SETBP1: variants seen among roughly 807,000 people sequenced by gnomAD.
SETBP1 encodes the protein SET-binding protein.
Under a neutral mutation model 101.0 loss-of-function variants are expected in SETBP1, and 9 were observed. The ratio of observed to expected loss-of-function variants is 0.09; its 90% CI spans 0.05 to 0.16. SETBP1 has a LOEUF of 0.16. SETBP1 is among the 10% of genes least tolerant of loss of function. The pLI is 1.00. For synonymous variants in SETBP1, 818 were observed against 788.5 expected, an observed-to-expected ratio of 1.04 and a Z score of -0.63; for missense variants, 1,858 against 2,033.8, an observed-to-expected ratio of 0.91 and a Z score of 1.66.
chr18:45,033,097 C>T (rs994915795), intron 4 of SETBP1, among the ~76,000 whole-genome samples: 1 of 152,090 alleles, frequency 6.6e-6, no homozygotes, highest in African/African-American at 2.4e-5. Flanking sequence ...CCCTTATTGC[C>T]ATGAATGAAG....
rs144042587 is a variant in SETBP1, at chr18:44,742,267, C to T, written c.486+40435C>T. Among the ~76,000 whole-genome samples, 35 of 152,272 alleles carry T rather than the reference C, an allele frequency of 2.3e-4. No homozygotes were observed. The East Asian group carries it at 3.9e-3, about 17-fold the overall frequency. On this transcript the variant is annotated intron_variant, in intron 2 of 5. Coordinates refer to ENST00000649279, the MANE Select transcript of SETBP1 (RefSeq NM_015559.3). Reference sequence around the variant, plus strand: ...CAGCAAAAGTGGGTGATCTCAGCCCCGCACCCCGGTCTCCTGACTTTCACA... The same window carrying T: ...CAGCAAAAGTGGGTGATCTCAGCCCTGCACCCCGGTCTCCTGACTTTCACA...
At chr18:44,992,786 T>C (rs1436441460) in intron 4 of SETBP1, among the ~76,000 whole-genome samples, 3 of 152,018 alleles carry the variant, frequency 2.0e-5, no homozygotes, top group African/African-American at 7.2e-5. Flanking sequence ...TTACACAAAC[T>C]TGCTTAGATT....
At chr18:44,741,350 G>GTGGGGA (rs1669978325) in intron 2 of SETBP1, among the ~76,000 whole-genome samples, 1 of 152,178 alleles carries the variant, frequency 6.6e-6, no homozygotes, top group African/African-American at 2.4e-5. Flanking sequence ...TTGCCTGGGG[G>GTGGGGA]TGGGGATGGG....
At chr18:44,711,442 TCCTTCCTTTCTTCCTCTCCTTCCTTC>T (rs1291649832) in intron 2 of SETBP1, among the ~76,000 whole-genome samples, 22 of 138,412 alleles carry the variant, frequency 1.6e-4, no homozygotes, top group African/African-American at 6.0e-4. Context: ...CTTCCTCCCT[TCCTTCCTTTCTTCCTCTCCTTCCTTC>T]CTTCCTTTCT....
chr18:45,047,957 G>A (rs186245098), intron 5 of SETBP1, among the ~76,000 whole-genome samples: 147 of 152,272 alleles, frequency 9.7e-4, no homozygotes, highest in African/African-American at 3.4e-3. Context: ...TCCTCCTGCT[G>A]CTTCAATTGG....
chr18:44,739,694 A>G (rs758669693), intron 2 of SETBP1, among the ~76,000 whole-genome samples: 6 of 152,248 alleles, frequency 3.9e-5, no homozygotes, highest in Non-Finnish European at 7.3e-5. Flanking sequence ...AACTTGTATC[A>G]AATGAATGAC....
chr18:44,731,980 A>C (rs780711595), intron 2 of SETBP1, among the ~76,000 whole-genome samples: 5 of 152,076 alleles, frequency 3.3e-5, no homozygotes, highest in Non-Finnish European at 7.4e-5. Context: ...TCTCTTCCTA[A>C]TGCCTTGTTT....
intron 2 of SETBP1, among the ~76,000 whole-genome samples, chr18:44,839,919 T>G (rs1447473474): frequency 6.6e-6 from 1 of 152,192 alleles, no homozygotes; most frequent in Non-Finnish European, 1.5e-5. Context: ...AACAATCATA[T>G]TGATATGTAA....
At chr18:44,969,274 G>A (rs1241542318) in intron 4 of SETBP1, among the ~76,000 whole-genome samples, 2 of 152,162 alleles carry the variant, frequency 1.3e-5, no homozygotes, top group Non-Finnish European at 2.9e-5. Flanking sequence ...ACTCTTGAAT[G>A]GGGAAAATGA....
chr18:44,958,430 T>G (rs917739911), intron 4 of SETBP1, among the ~76,000 whole-genome samples: 2 of 152,104 alleles, frequency 1.3e-5, no homozygotes, highest in Admixed American at 6.5e-5. Context: ...GAGACACAAA[T>G]AGGTTAGAAC....
intron 2 of SETBP1, among the ~76,000 whole-genome samples, chr18:44,806,636 T>TC: frequency 2.0e-5 from 2 of 101,850 alleles, no homozygotes; most frequent in African/African-American, 4.2e-5. Context: ...TTTTTTTTTT[T>TC]TTTTTTTTTT....
At chr18:44,966,626 TG>T (rs2071726492) in intron 4 of SETBP1, among the ~76,000 whole-genome samples, 1 of 152,210 alleles carries the variant, frequency 6.6e-6, no homozygotes, top group Non-Finnish European at 1.5e-5. Context: ...AGGATGGTGC[TG>T]AGCACAGATA....
chr18:44,876,758 G>C, intron 3 of SETBP1: 1 of 1,513,138 alleles, frequency 6.6e-7, no homozygotes, highest in Non-Finnish European at 8.9e-7. Flanking sequence ...GTATAACTTC[G>C]CATGGATTCT....
chr18:44,680,660 G>A (rs1439928567), upstream of SETBP1, among the ~76,000 whole-genome samples: 1 of 152,144 alleles, frequency 6.6e-6, no homozygotes, highest in Non-Finnish European at 1.5e-5. Context: ...CTCAATTGGA[G>A]TGGCTCGTTG....
At chr18:44,716,341 A>C (rs1442732715) in intron 2 of SETBP1, among the ~76,000 whole-genome samples, 1 of 146,860 alleles carries the variant, frequency 6.8e-6, no homozygotes, top group Non-Finnish European at 1.5e-5. Flanking sequence ...AAAACAAAAC[A>C]AAAAAAATAG....
Position 44,720,727 on chromosome 18 carries a change from G to T in SETBP1, c.486+18895G>T, listed in dbSNP as rs79444724. On this transcript the variant is annotated intron_variant, in intron 2 of 5. Coordinates refer to ENST00000649279, the MANE Select transcript of SETBP1 (RefSeq NM_015559.3). ...ATAGGATTTAGGTGGGAGGGAAAGG[G>T]GTATAGGCAGTGTGCTTGAACACTG... 5.7e-3 allele frequency among the ~76,000 whole-genome samples: 864 copies of T among 152,262 alleles called. 2 individuals are homozygous for T. The highest frequency in any genetic ancestry group is 9.3e-3 in the Non-Finnish European group (630 of 68,006).
intron 2 of SETBP1, among the ~76,000 whole-genome samples, chr18:44,840,800 C>A (rs901458556): frequency 2.0e-5 from 3 of 152,210 alleles, no homozygotes; most frequent in African/African-American, 7.2e-5. Flanking sequence ...TTAGAATCAC[C>A]TGGAGAGCTT....
At chr18:45,041,887 G>A (rs555232114) in intron 5 of SETBP1, among the ~76,000 whole-genome samples, 3 of 151,870 alleles carry the variant, frequency 2.0e-5, no homozygotes, top group Non-Finnish European at 2.9e-5. Context: ...AACCCGGGAG[G>A]CGGAGGATGC....
intron 2 of SETBP1, 42 bp downstream of exon 2, chr18:44,701,874 G>GT (rs770968786): frequency 1.9e-6 from 3 of 1,600,788 alleles, no homozygotes; most frequent in Non-Finnish European, 2.5e-6. Context: ...TTGTTTCTCT[G>GT]TTTTTGCCAT....
Sources: allele counts gnomAD v4.1 joint callset (sites outside exome capture counted in the v4.1 genomes callset), GRCh38; gene constraint gnomAD v4.1.1; transcripts MANE v1.5; gene names NCBI Gene and HGNC (gene_info 2026-07-23, HGNC 2026-07-21).